REEP3: variants seen among roughly 807,000 people sequenced by gnomAD.
The protein encoded by REEP3 is receptor expression-enhancing protein 3.
A neutral mutation model predicts 41.3 loss-of-function variants in REEP3; 20 were observed. That is an observed-to-expected ratio of 0.48 (90% CI 0.34 to 0.70). REEP3 has a LOEUF of 0.70. REEP3 is among the 30% of genes least tolerant of loss of function. REEP3 has a pLI of 0.01. For synonymous variants in REEP3, 104 were observed against 101.8 expected (o/e 1.02, Z -0.13); for missense variants, 271 against 308.8 (o/e 0.88, Z 0.92).
chr10:63,589,454 C>G (rs1956037253), intron 2 of REEP3, among the ~76,000 whole-genome samples: 1 of 152,156 alleles, frequency 6.6e-6, no homozygotes, highest in African/African-American at 2.4e-5. Flanking sequence ...GGCCCCTGCA[C>G]AAGATCAGAA....
At chr10:63,537,010 G>A (rs940459940) in intron 1 of REEP3, among the ~76,000 whole-genome samples, 1 of 152,198 alleles carries the variant, frequency 6.6e-6, no homozygotes, top group Non-Finnish European at 1.5e-5. Context: ...AACTAGCTAT[G>A]TACCATCAAA....
chr10:63,560,238 A>G, intron 1 of REEP3, among the ~76,000 whole-genome samples: 1 of 152,110 alleles, frequency 6.6e-6, no homozygotes, highest in East Asian at 1.9e-4. Context: ...GAATGACAAG[A>G]AGAATAGATT....
chr10:63,600,399 A>G (rs1956161604), intron 5 of REEP3, among the ~76,000 whole-genome samples: 1 of 152,214 alleles, frequency 6.6e-6, no homozygotes, highest in African/African-American at 2.4e-5. Flanking sequence ...TAAGATAACT[A>G]TATTATTAAT....
At position 63,619,782 on chromosome 10, in the gene REEP3, C is replaced by G. The variant is rs201610706; in HGVS notation, c.693C>G (p.Thr231=). ...CGCAAAGCATGAAATCTGTGAAAAC[C>G]ACCAAAGGCCGCAAAGAGGTTGGTT... ...RRSQSMKSVK[T]TKGRKEVRYG... The change falls in exon 7 of 8, where the codon ACC becomes ACG. Residue 231 remains threonine (T), a synonymous_variant. Coordinates refer to ENST00000373758, the MANE Select transcript of REEP3 (RefSeq NM_001001330.3). 311 of 1,608,998 alleles carry G rather than the reference C, an allele frequency of 1.9e-4. No homozygotes were observed. The highest frequency in any genetic ancestry group is 2.3e-4 in the Non-Finnish European group (270 of 1,177,740).
chr10:63,585,797 T>C (rs557470548), intron 2 of REEP3, among the ~76,000 whole-genome samples: 9 of 152,302 alleles, frequency 5.9e-5, no homozygotes, highest in Admixed American at 3.9e-4. Flanking sequence ...ATTACTGCTA[T>C]TATCTATGGC....
intron 1 of REEP3, among the ~76,000 whole-genome samples, chr10:63,537,473 G>A (rs888780987): frequency 6.6e-6 from 1 of 152,194 alleles, no homozygotes; most frequent in African/African-American, 2.4e-5. Flanking sequence ...TGCTTCTTAA[G>A]TTGGATGCCG....
intron 1 of REEP3, among the ~76,000 whole-genome samples, chr10:63,534,186 T>C (rs947474688): frequency 6.6e-6 from 1 of 152,190 alleles, no homozygotes; most frequent in Non-Finnish European, 1.5e-5. Context: ...AAGATTATGC[T>C]TATTATGATG....
At chr10:63,550,561 A>G (rs991881701) in intron 1 of REEP3, among the ~76,000 whole-genome samples, 2 of 152,182 alleles carry the variant, frequency 1.3e-5, no homozygotes, top group Non-Finnish European at 2.9e-5. Context: ...GTTAAATTGA[A>G]AAGCCCCAAG....
chr10:63,582,499 T>C (rs1257254349), intron 2 of REEP3, among the ~76,000 whole-genome samples: 2 of 152,156 alleles, frequency 1.3e-5, no homozygotes. Context: ...TGTGTGCTTT[T>C]AAAAACATAT....
At chr10:63,583,433 A>G (rs1320772068) in intron 2 of REEP3, among the ~76,000 whole-genome samples, 1 of 152,238 alleles carries the variant, frequency 6.6e-6, no homozygotes, top group Non-Finnish European at 1.5e-5. Context: ...ACAGTAGTAT[A>G]TAGGGGCTGT....
chr10:63,534,277 G>T (rs1260379693), intron 1 of REEP3, among the ~76,000 whole-genome samples: 1 of 151,638 alleles, frequency 6.6e-6, no homozygotes, highest in Non-Finnish European at 1.5e-5. Context: ...TAGAGACAGG[G>T]TCTCCCTCTG....
At chr10:63,571,988 A>G (rs1955856572) in intron 2 of REEP3, among the ~76,000 whole-genome samples, 1 of 152,224 alleles carries the variant, frequency 6.6e-6, no homozygotes, top group Non-Finnish European at 1.5e-5. Context: ...GCCAGTGAAT[A>G]TGCATCTGAT....
intron 5 of REEP3, among the ~76,000 whole-genome samples, chr10:63,608,108 T>C (rs1956245384): frequency 6.6e-6 from 1 of 152,200 alleles, no homozygotes; most frequent in South Asian, 2.1e-4. Context: ...GAGAATGACA[T>C]TTCTGAGAAA....
chr10:63,613,256 C>A (rs1259620173), intron 6 of REEP3, among the ~76,000 whole-genome samples: 1 of 152,164 alleles, frequency 6.6e-6, no homozygotes, highest in Non-Finnish European at 1.5e-5. Flanking sequence ...GTGATCTGCC[C>A]ACTTCAGCTT....
intron 2 of REEP3, among the ~76,000 whole-genome samples, chr10:63,569,153 G>T (rs1329214320): frequency 1.3e-5 from 2 of 152,134 alleles, no homozygotes; most frequent in African/African-American, 4.8e-5. Flanking sequence ...TCTTTTGAAA[G>T]ATAAAATTAA....
At chr10:63,544,334 A>C (rs1475310779) in intron 1 of REEP3, among the ~76,000 whole-genome samples, 2 of 152,246 alleles carry the variant, frequency 1.3e-5, no homozygotes, top group Non-Finnish European at 2.9e-5. Context: ...GATGATTGAT[A>C]TTAACAGGGG....
chr10:63,605,294 C>T (rs781434328), intron 5 of REEP3, among the ~76,000 whole-genome samples: 1 of 152,128 alleles, frequency 6.6e-6, no homozygotes, highest in Non-Finnish European at 1.5e-5. Flanking sequence ...ATTTTATTCA[C>T]CTAATGCAAA....
intron 1 of REEP3, among the ~76,000 whole-genome samples, chr10:63,532,960 C>A (rs1045449330): frequency 1.3e-5 from 2 of 152,140 alleles, no homozygotes; most frequent in African/African-American, 4.8e-5. Flanking sequence ...AGAGTCATCA[C>A]ATGGGGAAGG....
In REEP3 at chr10:63,621,083, G is replaced by C; in HGVS notation, c.*214G>C. On this transcript the variant is annotated 3_prime_UTR_variant, in exon 8 of 8. Transcript: ENST00000373758. ...CAGTTCTGCAAGATGTACTAAATAT[G>C]TATATTAGAAATTATAGAAAATCAT... 1 of 395,644 alleles carries C rather than the reference G, an allele frequency of 2.5e-6. No individual in the cohort carries two copies. The highest frequency in any genetic ancestry group is 4.8e-5 in the South Asian group (1 of 20,742). The allele number at this position is 395,644 out of a possible 1,614,324, so 24.5% of individuals were successfully genotyped here. A position where few individuals can be genotyped will look rare whatever the true frequency, so the allele number is the denominator to read the frequency against.
Sources: allele counts gnomAD v4.1 joint callset (sites outside exome capture counted in the v4.1 genomes callset), GRCh38; gene constraint gnomAD v4.1.1; transcripts MANE v1.5; gene names NCBI Gene and HGNC (gene_info 2026-07-23, HGNC 2026-07-21).